Variants in TM9SF2 observed in about 807,000 individuals in gnomAD.
TM9SF2 encodes the protein 76 kDa membrane protein.
In TM9SF2, 13 loss-of-function variants were observed where a neutral mutation model predicts 84.9. The ratio of observed to expected loss-of-function variants is 0.15; its 90% CI spans 0.10 to 0.24. TM9SF2 has a LOEUF of 0.24. Ranked by LOEUF, TM9SF2 falls within the 10% of genes least tolerant of loss-of-function variation. The pLI, the probability that TM9SF2 is intolerant of heterozygous loss-of-function variation, is 1.00. For synonymous variants in TM9SF2, 273 were observed against 285.8 expected (o/e 0.96, Z 0.45); for missense variants, 562 against 818.5 (o/e 0.69, Z 3.82).
At chr13:99,553,418 T>A (rs1435459630) in intron 13 of TM9SF2, among the ~76,000 whole-genome samples, 2 of 152,244 alleles carry the variant, frequency 1.3e-5, no homozygotes, top group African/African-American at 4.8e-5. Flanking sequence ...GTTTGAATTT[T>A]TTAATTACAT....
intron 3 of TM9SF2, among the ~76,000 whole-genome samples, chr13:99,529,021 C>T (rs906105748): frequency 9.2e-5 from 14 of 151,798 alleles, no homozygotes; most frequent in African/African-American, 3.4e-4. Context: ...TGCTGAATCT[C>T]TATCACCTGA....
chr13:99,555,389 A>T, intron 14 of TM9SF2, 147 bp from the exon 15 acceptor site: 1 of 612,642 alleles, frequency 1.6e-6, no homozygotes, highest in Non-Finnish European at 2.9e-6. Flanking sequence ...CCACCCCATC[A>T]CCATCCCAAC....
At chr13:99,515,114 C>T (rs2046128583) in intron 1 of TM9SF2, among the ~76,000 whole-genome samples, 1 of 152,210 alleles carries the variant, frequency 6.6e-6, no homozygotes, top group Non-Finnish European at 1.5e-5. Context: ...GCAAGAGGGA[C>T]ATGGCTTATG....
At chr13:99,510,162 A>C (rs1325605960) in intron 1 of TM9SF2, among the ~76,000 whole-genome samples, 1 of 152,104 alleles carries the variant, frequency 6.6e-6, no homozygotes, top group Non-Finnish European at 1.5e-5. Context: ...TAACCTTCTC[A>C]TTTCCATCTC....
chr13:99,505,064 G>A (rs1439958828), intron 1 of TM9SF2, among the ~76,000 whole-genome samples: 1 of 151,398 alleles, frequency 6.6e-6, no homozygotes, highest in East Asian at 1.9e-4. Context: ...TGATAGGTTT[G>A]ATTTCCTTTA....
chr13:99,561,157 G>T (rs1026485640), intron 16 of TM9SF2, among the ~76,000 whole-genome samples: 2 of 152,162 alleles, frequency 1.3e-5, no homozygotes, highest in Admixed American at 1.3e-4. Flanking sequence ...GGATAAGGGA[G>T]TAGTGAGCCC....
At position 99,540,697 on chromosome 13, in the gene TM9SF2, T is replaced by C. The variant is rs931149097; in HGVS notation, c.829-17T>C. On this transcript the variant is annotated splice_polypyrimidine_tract_variant and intron_variant, in intron 7 of 16. Transcript: ENST00000376387. Reference sequence around the variant, plus strand: ...TCAGCAGATGTTTACTTAAAGAGATTTTTTAATCTCCTCTAGGAAGATGAT... The same window carrying C: ...TCAGCAGATGTTTACTTAAAGAGATCTTTTAATCTCCTCTAGGAAGATGAT... 6.2e-7 allele frequency: 1 copy of C among 1,606,034 alleles called. No individual in the cohort carries two copies. The highest frequency in any genetic ancestry group is 1.3e-5 in the African/African-American group (1 of 74,776).
intron 15 of TM9SF2, among the ~76,000 whole-genome samples, chr13:99,556,574 C>CTT (rs35868359): frequency 0.19 from 26,455 of 136,082 alleles, 3,397 homozygotes; most frequent in East Asian, 0.72. Context: ...TACTTCATTC[C>CTT]TTTTTTTTTT....
At chr13:99,553,709 C>T (rs536950502) in intron 13 of TM9SF2, among the ~76,000 whole-genome samples, 4 of 152,194 alleles carry the variant, frequency 2.6e-5, no homozygotes, top group Non-Finnish European at 4.4e-5. Flanking sequence ...GTCTTCCCCC[C>T]TCATGTGGCT....
intron 12 of TM9SF2, among the ~76,000 whole-genome samples, chr13:99,550,687 A>G (rs2046302133): frequency 1.3e-5 from 2 of 152,222 alleles, no homozygotes; most frequent in South Asian, 4.1e-4. Context: ...TAGTCATACA[A>G]TTCTACATAA....
At chr13:99,555,718 A>G in intron 15 of TM9SF2, 71 bp downstream of exon 15, 2 of 915,778 alleles carry the variant, frequency 2.2e-6, no homozygotes, top group Non-Finnish European at 3.3e-6. Context: ...TTTGTATATT[A>G]TTAATTAAAA....
At chr13:99,548,574 G>GA (rs1251763913) in intron 11 of TM9SF2, among the ~76,000 whole-genome samples, 11 of 151,580 alleles carry the variant, frequency 7.3e-5, no homozygotes, top group Non-Finnish European at 1.2e-4. Flanking sequence ...CTTTAAACTG[G>GA]AAAAAAAAGC....
chr13:99,535,779 G>T (rs982895227), intron 4 of TM9SF2, among the ~76,000 whole-genome samples: 1 of 152,088 alleles, frequency 6.6e-6, no homozygotes, highest in African/African-American at 2.4e-5. Flanking sequence ...ATTTTGAGTA[G>T]TTTTTTTATT....
At chr13:99,540,449 T>C (rs1262962872) in intron 7 of TM9SF2, 1 of 218,204 alleles carries the variant, frequency 4.6e-6, no homozygotes, top group Admixed American at 5.8e-5. Flanking sequence ...TCTAAACATC[T>C]AGTTATAATT....
intron 3 of TM9SF2, among the ~76,000 whole-genome samples, chr13:99,526,984 A>T (rs547104761): frequency 6.6e-6 from 1 of 152,196 alleles, no homozygotes; most frequent in African/African-American, 2.4e-5. Context: ...CCAGTGAGGC[A>T]GCATCCGTCA....
chr13:99,529,496 G>A lies in TM9SF2; in HGVS notation c.363G>A (p.Lys121=). 6.3e-7 allele frequency: 1 copy of A among 1,584,058 alleles called. No homozygotes were observed. The highest frequency in any genetic ancestry group is 8.5e-7 in the Non-Finnish European group (1 of 1,170,410). Residue 121 remains lysine (K), a synonymous_variant, in exon 4 of 17, where the codon AAG becomes AAA. Coordinates refer to ENST00000376387, the MANE Select transcript of TM9SF2 (RefSeq NM_004800.3). ...KFTFNKKETC[K]LVCTKTYHTE... ...CGTTTAATAAGAAGGAGACCTGTAA[G>A]CTTGTTTGTACAAAAACATACCATA...
At chr13:99,507,015 A>G (rs1329413126) in intron 1 of TM9SF2, among the ~76,000 whole-genome samples, 1 of 152,202 alleles carries the variant, frequency 6.6e-6, no homozygotes, top group African/African-American at 2.4e-5. Context: ...TCCTCTTCTC[A>G]CTTTTCAAAC....
intron 8 of TM9SF2, among the ~76,000 whole-genome samples, chr13:99,541,009 G>A (rs1183240716): frequency 6.6e-6 from 1 of 152,230 alleles, no homozygotes; most frequent in East Asian, 1.9e-4. Context: ...TGGGATTGTT[G>A]TGAGGATTAA....
chr13:99,523,494 G>A (rs897627692), intron 3 of TM9SF2, among the ~76,000 whole-genome samples: 2 of 152,158 alleles, frequency 1.3e-5, no homozygotes, highest in African/African-American at 4.8e-5. Context: ...GTAACAACCA[G>A]CAACAAAATA....
Sources: gnomAD v4.1 joint callset for allele counts (sites outside exome capture counted in the v4.1 genomes callset) on GRCh38, gnomAD v4.1.1 for gene constraint, MANE v1.5 for transcripts, NCBI Gene and HGNC (gene_info 2026-07-23, HGNC 2026-07-21) for gene names.